Variants in POLI observed in about 807,000 individuals in gnomAD.
The protein encoded by POLI is DNA polymerase iota, also known as RAD30 homolog B.
POLI carries 58 observed loss-of-function variants against 51.6 expected under a neutral mutation model. The ratio of observed to expected loss-of-function variants is 1.12; its 90% CI spans 0.91 to 1.40. The LOEUF (loss-of-function observed/expected upper bound fraction) is 1.40, where lower values mean the gene tolerates loss of function less well. Ranked by LOEUF, POLI falls within the 40% of genes most tolerant of loss-of-function variation. POLI has a pLI of 0.00. For missense variants in POLI, 921 were observed against 871.3 expected (o/e 1.06, Z -0.72); for synonymous variants, 322 against 299.7 (o/e 1.07, Z -0.77).
At chr18:54,307,360 G>A (rs2088603945) in intron 3 of POLI, among the ~76,000 whole-genome samples, 1 of 152,216 alleles carries the variant, frequency 6.6e-6, no homozygotes, top group Non-Finnish European at 1.5e-5. Flanking sequence ...TCATTCAGGA[G>A]CAGGTTGTTC....
rs1388001462 is a variant in POLI, at chr18:54,296,433, ATC to A, written c.*1970_*1971del. 1 of 904,450 alleles carries A rather than the reference ATC, an allele frequency of 1.1e-6. No individual in the cohort carries two copies. The highest frequency in any genetic ancestry group is 6.2e-5 in the Admixed American group (1 of 16,130). 56.0% of individuals were successfully genotyped at this position (904,450 alleles called of 1,614,324 possible). A position where few individuals can be genotyped will look rare whatever the true frequency, so the allele number is the denominator to read the frequency against. On this transcript the variant is annotated 3_prime_UTR_variant, in exon 10 of 10. Coordinates refer to ENST00000579534, the MANE Select transcript of POLI (RefSeq NM_007195.3). ...ATCTTTTTTCTCTGTTTTTAAGATTATCTCTTTTTTCTTTGGTGCTTTGCAGG... is the reference window on the plus strand; with the variant it reads ...ATCTTTTTTCTCTGTTTTTAAGATTATCTTTTTTCTTTGGTGCTTTGCAGG...
In POLI at chr18:54,293,983, T is replaced by G; in HGVS notation, c.1739T>G (p.Ile580Ser). The part of the protein sequence containing the change: ...SFFSKKQMQD[I>S]PINPRDHLSS... Reference sequence around the variant, plus strand: ...TTTTCTAAAAAACAAATGCAAGATATTCCCATAAATCCTAGAGATCATTTA... The same window carrying G: ...TTTTCTAAAAAACAAATGCAAGATAGTCCCATAAATCCTAGAGATCATTTA... The change falls in exon 10 of 10, where the codon ATT (isoleucine) becomes AGT (serine). Residue 580 changes from isoleucine (I) to serine (S), a missense_variant. Physicochemically the swap from Ile to Ser is moderately radical, Grantham distance 142 (BLOSUM62 -2). Coordinates refer to ENST00000579534, the MANE Select transcript of POLI (RefSeq NM_007195.3). 6.2e-7 allele frequency: 1 copy of G among 1,613,052 alleles called. No individual in the cohort carries two copies. The highest frequency in any genetic ancestry group is 1.1e-5 in the South Asian group (1 of 91,054).
At chr18:54,284,574 A>G (rs932816895) in intron 7 of POLI, 21 of 152,258 alleles carry the variant, frequency 1.4e-4, no homozygotes, top group African/African-American at 4.6e-4. Context: ...AGGAACAACT[A>G]TATAAATTTG....
intron 3 of POLI, among the ~76,000 whole-genome samples, chr18:54,310,242 T>C (rs951400957): frequency 6.6e-6 from 1 of 152,202 alleles, no homozygotes; most frequent in Non-Finnish European, 1.5e-5. Context: ...TTTTCTTTTA[T>C]TTTTATGGTT....
chr18:54,302,532 T>C (rs559111989), downstream of POLI, among the ~76,000 whole-genome samples: 1 of 152,306 alleles, frequency 6.6e-6, no homozygotes, highest in South Asian at 2.1e-4. Flanking sequence ...TACATGAGAT[T>C]CTTTGATACA....
intron 7 of POLI, chr18:54,284,712 G>C (rs1003067034): frequency 3.3e-5 from 5 of 152,452 alleles, no homozygotes; most frequent in African/African-American, 1.2e-4. Context: ...CTGGCGCTGT[G>C]TGTGAGTAGG....
Position 54,296,960 on chromosome 18 carries a change from A to T in POLI, c.*2493A>T, listed in dbSNP as rs2088360746. 1.0e-6 allele frequency: 1 copy of T among 982,688 alleles called. No homozygotes were observed. Among genetic ancestry groups the T allele is most frequent in the African/African-American group, 1.7e-5 (1 of 57,158 alleles). The allele number at this position is 982,688 out of a possible 1,614,324, so 60.9% of individuals were successfully genotyped here. A position where few individuals can be genotyped will look rare whatever the true frequency, so the allele number is the denominator to read the frequency against. On this transcript the variant is annotated 3_prime_UTR_variant, in exon 10 of 10. Transcript: ENST00000579534. ...ATCATTGTGACTTATTTCCTTGAGTATGTGTTAATCTGCGAGAAGACAGAG... is the reference window on the plus strand; with the variant it reads ...ATCATTGTGACTTATTTCCTTGAGTTTGTGTTAATCTGCGAGAAGACAGAG...
chr18:54,302,084 C>T (rs1455286808), downstream of POLI, among the ~76,000 whole-genome samples: 2 of 152,150 alleles, frequency 1.3e-5, no homozygotes, highest in South Asian at 2.1e-4. Flanking sequence ...GAGTTACATA[C>T]AGGATGATCT....
rs1403318995 is a variant in POLI, at chr18:54,298,127, T to C, written c.*3660T>C. ...GTTTTCAATATTAAAAAAACTTCTATTTTAAAATCTGTATATAGAAAGGTA... is the reference window on the plus strand; with the variant it reads ...GTTTTCAATATTAAAAAAACTTCTACTTTAAAATCTGTATATAGAAAGGTA... On this transcript the variant is annotated 3_prime_UTR_variant, in exon 10 of 10. Transcript: ENST00000579534. The C allele has an allele frequency of 3.4e-6, 3 of 870,308 alleles. No individual in the cohort carries two copies. The highest frequency in any genetic ancestry group is 4.1e-6 in the Non-Finnish European group (3 of 724,930). 53.9% of individuals were successfully genotyped at this position (870,308 alleles called of 1,614,324 possible).
At chr18:54,285,521 A>AGTGTGTGTGTGT (rs61280100) in intron 7 of POLI, among the ~76,000 whole-genome samples, 26 of 144,674 alleles carry the variant, frequency 1.8e-4, no homozygotes, top group African/African-American at 6.7e-4. Flanking sequence ...AAATTACAGG[A>AGTGTGTGTGTGT]GTGTGTGTGT....
upstream of POLI, chr18:54,269,488 G>C: frequency 6.7e-7 from 1 of 1,488,516 alleles, no homozygotes; most frequent in South Asian, 1.3e-5. Context: ...TAGTCCCCCG[G>C]TTTCCCTGGA....
At position 54,277,837 on chromosome 18, in the gene POLI, C is replaced by A; in HGVS notation, c.541C>A (p.His181Asn). The part of the protein sequence containing the change: ...DELSAVTVSG[H>N]VYNNQSINLL... ...ACTTTCTGCGGTGACTGTGTCGGGT[C>A]ATGTATACAATAATCAGTGTGAGTG... is the stretch of plus-strand genomic sequence containing the variant. The change falls in exon 4 of 10, where the codon CAT becomes AAT. Residue 181 changes from histidine (H) to asparagine (N), a missense_variant. By Grantham distance (68) the His-to-Asn change is moderately conservative. Coordinates refer to ENST00000579534, the MANE Select transcript of POLI (RefSeq NM_007195.3). The A allele has an allele frequency of 6.2e-7, 1 of 1,611,976 alleles. No homozygotes were observed. The highest frequency in any genetic ancestry group is 1.1e-5 in the South Asian group (1 of 90,826).
At chr18:54,305,274 A>G (rs1424277799) in intron 3 of POLI, among the ~76,000 whole-genome samples, 12 of 152,186 alleles carry the variant, frequency 7.9e-5, no homozygotes, top group Admixed American at 7.9e-4. Context: ...TGAACTTTAA[A>G]GTGTTTTTTT....
downstream of POLI, among the ~76,000 whole-genome samples, chr18:54,301,686 C>T (rs145116077): frequency 5.8e-3 from 886 of 152,280 alleles, 12 homozygotes; most frequent in Non-Finnish European, 7.6e-3. Context: ...GTTCGTGCCT[C>T]CAGACTCCCA....
At chr18:54,292,069 A>C in intron 9 of POLI, 31 bp downstream of exon 9, 1 of 1,312,560 alleles carries the variant, frequency 7.6e-7, no homozygotes. Flanking sequence ...TCAGTTTTCT[A>C]AGTATACTCT....
rs191598566 is a variant in POLI, at chr18:54,286,461, T to A, written c.1068-820T>A. Among the ~76,000 whole-genome samples the A allele has an allele frequency of 2.0e-3, 309 of 152,252 alleles. 2 individuals carry two copies. Among genetic ancestry groups the A allele is most frequent in the African/African-American group, 6.9e-3 (288 of 41,548 alleles). ...AGTATATGCTCTTTTAAGATATTGCTCTAATAAGCTATCATATAATGGTAA... is the reference window on the plus strand; with the variant it reads ...AGTATATGCTCTTTTAAGATATTGCACTAATAAGCTATCATATAATGGTAA... On this transcript the variant is annotated intron_variant, in intron 7 of 9. Transcript: ENST00000579534.
intron 7 of POLI, chr18:54,284,514 A>C (rs1438459254): frequency 6.6e-6 from 1 of 152,262 alleles, no homozygotes; most frequent in Non-Finnish European, 1.5e-5. Flanking sequence ...ATTAAGAAGA[A>C]AAAAATGCAA....
chr18:54,308,391 A>C (rs1005390020), intron 3 of POLI, among the ~76,000 whole-genome samples: 11 of 152,226 alleles, frequency 7.2e-5, no homozygotes, highest in African/African-American at 2.7e-4. Flanking sequence ...CTTTTCTTTA[A>C]GAATGTTGAA....
At chr18:54,318,767 C>T (rs2144654905) in intron 3 of POLI, among the ~76,000 whole-genome samples, 1 of 152,260 alleles carries the variant, frequency 6.6e-6, no homozygotes, top group South Asian at 2.1e-4. Flanking sequence ...CTTTTATGCT[C>T]ATGAATGGCT....
Sources: allele counts gnomAD v4.1 joint callset (sites outside exome capture counted in the v4.1 genomes callset), GRCh38; gene constraint gnomAD v4.1.1; transcripts MANE v1.5; gene names NCBI Gene and HGNC (gene_info 2026-07-23, HGNC 2026-07-21).